ADRA1A: variants seen among roughly 807,000 people sequenced by gnomAD.
ADRA1A encodes alpha-1A adrenergic receptor.
Under a neutral mutation model 29.6 loss-of-function variants are expected in ADRA1A, and 31 were observed. That is an observed-to-expected ratio of 1.05 (90% CI 0.79 to 1.41). The LOEUF is 1.41. Among genes scored for constraint, ADRA1A ranks in the 40% most tolerant of loss-of-function variants. ADRA1A has a pLI of 0.00. For missense variants in ADRA1A, 619 were observed against 601.1 expected (o/e 1.03, Z -0.31); for synonymous variants, 311 against 254.3 (o/e 1.22, Z -2.12).
At chr8:26,840,848 TC>T (rs2130698830) in intron 2 of ADRA1A, among the ~76,000 whole-genome samples, 1 of 152,336 alleles carries the variant, frequency 6.6e-6, no homozygotes, top group South Asian at 2.1e-4. Context: ...TTGTGTTATT[TC>T]CCCTCAAACA....
In ADRA1A at chr8:26,860,708, C is replaced by T. The variant is rs2130785654; in HGVS notation, c.883+3379G>A. 6.6e-6 allele frequency among the ~76,000 whole-genome samples: 1 copy of T among 152,240 alleles called. No homozygotes were observed. The highest frequency in any genetic ancestry group is 2.1e-4 in the South Asian group (1 of 4,820). On this transcript the variant is annotated intron_variant, in intron 2 of 2. Coordinates refer to ENST00000380573, the MANE Select transcript of ADRA1A (RefSeq NM_000680.4). The surrounding 1 kb of genome is among the most constrained non-coding windows in gnomAD (Gnocchi z 4.7). The stretch of plus-strand genomic sequence containing the variant: ...TCCTAAAGAGATCACTATCTCTCTC[C>T]CTCTGTCTCTACTTGCCTCAGGGCT...
chr8:26,824,318 G>A (rs56243603), intron 2 of ADRA1A, among the ~76,000 whole-genome samples: 4,289 of 151,970 alleles, frequency 0.028, 204 homozygotes, highest in African/African-American at 0.095. Context: ...ATAAAGGATG[G>A]CAAAGCATAG....
Position 26,864,290 on chromosome 8 carries a change from G to A in ADRA1A, c.680C>T (p.Ser227Leu). ...GLKSGLKTDK[S>L]DSEQVTLRIH... ...GCGGAGCGTCACTTGCTCCGAGTCC[G>A]ACTTGTCGGTCTTGAGGCCAGACTT... is the stretch of plus-strand genomic sequence containing the variant. Residue 227 changes from serine (S) to leucine (L), a missense_variant, in exon 2 of 3, where the codon TCG (serine) becomes TTG (leucine). Ser to Leu is a moderately radical substitution (Grantham distance 145, BLOSUM62 -2). Coordinates refer to ENST00000380573, the MANE Select transcript of ADRA1A (RefSeq NM_000680.4). This position sits in a 1 kb window ranked among gnomAD's most constrained non-coding sequence, Gnocchi z 8.1. The A allele has an allele frequency of 1.2e-6, 2 of 1,614,090 alleles. No individual in the cohort carries two copies. Among genetic ancestry groups the A allele is most frequent in the Non-Finnish European group, 8.5e-7 (1 of 1,180,028 alleles).
At chr8:26,813,379 C>T (rs13265045) in intron 2 of ADRA1A, among the ~76,000 whole-genome samples, 5,077 of 152,258 alleles carry the variant, frequency 0.033, 161 homozygotes, top group African/African-American at 0.084. Context: ...TTAACCCACT[C>T]ATCTAACTTT....
chr8:26,848,073 T>C lies in ADRA1A; in HGVS notation c.883+16014A>G, dbSNP rs1812345263. Among the ~76,000 whole-genome samples the C allele has an allele frequency of 6.6e-6, 1 of 152,216 alleles. No individual in the cohort carries two copies. The highest frequency in any genetic ancestry group is 2.4e-5 in the African/African-American group (1 of 41,458). On this transcript the variant is annotated intron_variant, in intron 2 of 2. Coordinates refer to ENST00000380573, the MANE Select transcript of ADRA1A (RefSeq NM_000680.4). The surrounding 1 kb of genome is among the most constrained non-coding windows in gnomAD (Gnocchi z 4.3). ...GTGCAGAGCAAAGGGCAGGACCACG[T>C]GTGATTCCAGGGCTTTTAACTGTAG...
intron 2 of ADRA1A, among the ~76,000 whole-genome samples, chr8:26,795,120 G>C (rs1808104660): frequency 6.6e-6 from 1 of 151,978 alleles, no homozygotes; most frequent in East Asian, 1.9e-4. Context: ...TACTAAAAAG[G>C]ACCAAGACTT....
At chr8:26,783,967 G>A (rs953866685) in intron 2 of ADRA1A, among the ~76,000 whole-genome samples, 4 of 148,598 alleles carry the variant, frequency 2.7e-5, no homozygotes, top group Non-Finnish European at 5.9e-5. Context: ...CTTATAAGTG[G>A]GAGCTGAATG....
At chr8:26,801,636 T>C (rs2130484378) in intron 2 of ADRA1A, among the ~76,000 whole-genome samples, 1 of 152,000 alleles carries the variant, frequency 6.6e-6, no homozygotes, top group Middle Eastern at 3.4e-3. Flanking sequence ...AAAGTGGAGA[T>C]ATTCTATGTT....
At chr8:26,811,287 G>A (rs1809374314) in intron 2 of ADRA1A, among the ~76,000 whole-genome samples, 2 of 151,898 alleles carry the variant, frequency 1.3e-5, no homozygotes, top group African/African-American at 4.8e-5. Flanking sequence ...CTGCCTTCCA[G>A]GCTCACGCCA....
rs142175703 is a variant in ADRA1A, at chr8:26,812,629, T to TTTTA, written c.884-41967_884-41964dup. Among the ~76,000 whole-genome samples the TTTTA allele has an allele frequency of 5.3e-3, 786 of 147,210 alleles. 1 individual carries two copies. Among genetic ancestry groups the TTTTA allele is most frequent in the Non-Finnish European group, 7.7e-3 (515 of 66,806 alleles). ...CCAAAAAAGGGAGTTGCCTTTTTAT[T>TTTTA]TTTATTTATTTATTTATTTATTTAT... On this transcript the variant is annotated intron_variant, in intron 2 of 2. Coordinates refer to ENST00000380573, the MANE Select transcript of ADRA1A (RefSeq NM_000680.4).
Position 26,848,894 on chromosome 8 carries a change from A to G in ADRA1A, c.883+15193T>C, listed in dbSNP as rs1277310412. Among the ~76,000 whole-genome samples the G allele has an allele frequency of 6.6e-6, 1 of 152,114 alleles. No individual in the cohort carries two copies. The highest frequency in any genetic ancestry group is 1.5e-5 in the Non-Finnish European group (1 of 68,036). Reference sequence around the variant, plus strand: ...GGAGGATGGGTCTGCTTTGTCTTGAACCACAAACTTCTGAAGGACTGAAGG... The same window carrying G: ...GGAGGATGGGTCTGCTTTGTCTTGAGCCACAAACTTCTGAAGGACTGAAGG... On this transcript the variant is annotated intron_variant, in intron 2 of 2. Coordinates refer to ENST00000380573, the MANE Select transcript of ADRA1A (RefSeq NM_000680.4). This position sits in a 1 kb window ranked among gnomAD's most constrained non-coding sequence, Gnocchi z 4.3.
At chr8:26,849,097 C>A (rs1478028633) in intron 2 of ADRA1A, among the ~76,000 whole-genome samples, 2 of 152,190 alleles carry the variant, frequency 1.3e-5, no homozygotes, top group Non-Finnish European at 2.9e-5. Flanking sequence ...CTGCTAAAAA[C>A]CTTAGGGAAA....
chr8:26,754,748 C>T (rs1394135547), downstream of ADRA1A, among the ~76,000 whole-genome samples: 2 of 152,120 alleles, frequency 1.3e-5, no homozygotes, highest in Non-Finnish European at 2.9e-5. Flanking sequence ...TTTCCTTAGC[C>T]CCAGCAAGTC....
intron 2 of ADRA1A, among the ~76,000 whole-genome samples, chr8:26,801,768 A>G (rs931418965): frequency 6.6e-5 from 10 of 152,220 alleles, no homozygotes; most frequent in African/African-American, 2.4e-4. Context: ...TGGAACCACA[A>G]AAAACCAGAA....
chr8:26,822,189 C>T (rs781465970), intron 2 of ADRA1A, among the ~76,000 whole-genome samples: 4 of 152,124 alleles, frequency 2.6e-5, no homozygotes, highest in Non-Finnish European at 5.9e-5. Context: ...AGTATGGTAT[C>T]GTGGTTGAGA....
intron 2 of ADRA1A, among the ~76,000 whole-genome samples, chr8:26,843,032 C>T (rs1200269805): frequency 6.6e-6 from 1 of 152,142 alleles, no homozygotes; most frequent in Non-Finnish European, 1.5e-5. Flanking sequence ...CAGTTAAAGA[C>T]TCCTTCCCTC....
intron 2 of ADRA1A, among the ~76,000 whole-genome samples, chr8:26,819,815 C>G (rs1156908820): frequency 6.6e-6 from 1 of 152,008 alleles, no homozygotes; most frequent in Non-Finnish European, 1.5e-5. Context: ...CACAGAGCAC[C>G]TGAATGGGTT....
At chr8:26,810,689 A>T (rs1809317382) in intron 2 of ADRA1A, among the ~76,000 whole-genome samples, 1 of 152,096 alleles carries the variant, frequency 6.6e-6, no homozygotes, top group African/African-American at 2.4e-5. Context: ...GGAGACCTGG[A>T]CTCATTTTTT....
At position 26,864,686 on chromosome 8, in the gene ADRA1A, C is replaced by A; in HGVS notation, c.284G>T (p.Gly95Val). Residue 95 changes from glycine (G) to valine (V), a missense_variant, in exon 2 of 3, where the codon GGC becomes GTC. Transcript: ENST00000380573. This position sits in a 1 kb window ranked among gnomAD's most constrained non-coding sequence, Gnocchi z 8.1. ...IFEVLGYWAFGRVFCNIWAAV... is the reference protein window; with the variant it reads ...IFEVLGYWAFVRVFCNIWAAV... Reference sequence around the variant, plus strand: ...CGCCCAGATGTTGCAGAAGACCCTGCCGAAGGCCCAGTAGCCTAGGACCTC... The same window carrying A: ...CGCCCAGATGTTGCAGAAGACCCTGACGAAGGCCCAGTAGCCTAGGACCTC... 6.2e-7 allele frequency: 1 copy of A among 1,614,142 alleles called. No homozygotes were observed. The highest frequency in any genetic ancestry group is 8.5e-7 in the Non-Finnish European group (1 of 1,180,030).
Sources: allele counts gnomAD v4.1 joint callset (sites outside exome capture counted in the v4.1 genomes callset), GRCh38; gene constraint gnomAD v4.1.1; non-coding constraint Gnocchi (gnomAD v3.1); transcripts MANE v1.5; gene names NCBI Gene and HGNC (gene_info 2026-07-23, HGNC 2026-07-21).